RASSF1: variants seen among roughly 807,000 people sequenced by gnomAD.
RASSF1 encodes ras association domain-containing protein 1.
Under a neutral mutation model 34.3 loss-of-function variants are expected in RASSF1, and 33 were observed. The observed-to-expected ratio is 0.96, with a 90% CI of 0.73 to 1.29. The LOEUF is 1.29. Among genes scored for constraint, RASSF1 ranks in the 50% most tolerant of loss-of-function variants. The pLI is 0.00. For missense variants in RASSF1, 445 were observed against 471.8 expected, an observed-to-expected ratio of 0.94 and a Z score of 0.53; for synonymous variants, 191 against 195.0, an observed-to-expected ratio of 0.98 and a Z score of 0.17.
Position 50,330,715 on chromosome 3 carries a change from T to C in RASSF1, c.889A>G (p.Ser297Gly). 4 of 1,613,930 alleles carry C rather than the reference T, an allele frequency of 2.5e-6. No homozygotes were observed. The highest frequency in any genetic ancestry group is 1.3e-5 in the African/African-American group (1 of 75,028). Residue 297 changes from serine (S) to glycine (G), a missense_variant, in exon 6 of 6, where the codon AGC becomes GGC. By Grantham distance (56) the Ser-to-Gly change is moderately conservative. Transcript: ENST00000359365. The surrounding 1 kb of genome is among the most constrained non-coding windows in gnomAD (Gnocchi z 4.5). Reference sequence around the variant, plus strand: ...AGGAAGTTATGTAGTTCAGGCATGCTGAAGGCGTCCCACTGCAAGGGGCAA... The same window carrying C: ...AGGAAGTTATGTAGTTCAGGCATGCCGAAGGCGTCCCACTGCAAGGGGCAA... ...DSGEVNWDAF[S>G]MPELHNFLRI...
At position 50,338,144 on chromosome 3, in the gene RASSF1, TCA is replaced by T. The variant is rs1265890786; in HGVS notation, c.251-135_251-134del. ...GCCCGACCTATCTCAGTGGGTTACC[TCA>T]CACTGCTACGCGGACTCTAATGTTG... is the stretch of plus-strand genomic sequence containing the variant. On this transcript the variant is annotated intron_variant, in intron 1 of 5. Transcript: ENST00000359365. 223 of 1,462,832 alleles carry T rather than the reference TCA, an allele frequency of 1.5e-4. 1 individual carries two copies. In the South Asian group the frequency reaches 3.0e-3, roughly 20 times the overall value. The allele number at this position is 1,462,832 out of a possible 1,614,324, so 90.6% of individuals were successfully genotyped here.
In RASSF1 at chr3:50,330,820, C is replaced by A; in HGVS notation, c.877-93G>T. 2.9e-6 allele frequency: 4 copies of A among 1,369,124 alleles called. No homozygotes were observed. The allele number at this position is 1,369,124 out of a possible 1,614,324, so 84.8% of individuals were successfully genotyped here. On this transcript the variant is annotated intron_variant, in intron 5 of 5. Coordinates refer to ENST00000359365, the MANE Select transcript of RASSF1 (RefSeq NM_007182.5). The surrounding 1 kb of genome is among the most constrained non-coding windows in gnomAD (Gnocchi z 4.5). The stretch of plus-strand genomic sequence containing the variant: ...AGAAGACTAGCACCTCATGTTCACA[C>A]AAGCTAGGACTGGGCTTTCTGATGT...
intron 2 of RASSF1, among the ~76,000 whole-genome samples, chr3:50,334,844 TG>T (rs1444497245): frequency 1.3e-5 from 2 of 152,188 alleles, no homozygotes; most frequent in Non-Finnish European, 2.9e-5. Flanking sequence ...AGCTGCCTGC[TG>T]GAAGAGGATT....
chr3:50,334,934 A>G (rs1237477988), intron 2 of RASSF1, among the ~76,000 whole-genome samples: 2 of 151,042 alleles, frequency 1.3e-5, no homozygotes, highest in African/African-American at 4.9e-5. Flanking sequence ...CCTCCACTCT[A>G]CCACTGTCCA....
In RASSF1 at chr3:50,331,768, G is replaced by A. The variant is rs771857382; in HGVS notation, c.551C>T (p.Ser184Phe). ...VSVPSSKKPP[S>F]LQDARRGPGR... ...TGGGCCCCGCCGGGCATCCTGCAAG[G>A]AGGGTGGCTTCTTGCTGGAGGGCAC... Residue 184 changes from serine (S) to phenylalanine (F), a missense_variant, in exon 4 of 6, where the codon TCC becomes TTC. Coordinates refer to ENST00000359365, the MANE Select transcript of RASSF1 (RefSeq NM_007182.5). The A allele has an allele frequency of 6.2e-6, 10 of 1,608,472 alleles. No homozygotes were observed. The South Asian group carries it at 7.7e-5, about 12-fold the overall frequency.
rs587666624 is a variant in RASSF1 at position 50,335,133 on chromosome 3, C to T, written c.357+2772G>A. ...CTGGCTAATTTTTTGTATTTTTAGT[C>T]GAGACGGGGTTTCACCATTTTGGCC... On this transcript the variant is annotated intron_variant, in intron 2 of 5. Coordinates refer to ENST00000359365, the MANE Select transcript of RASSF1 (RefSeq NM_007182.5). Among the ~76,000 whole-genome samples the T allele has an allele frequency of 5.3e-5, 8 of 151,752 alleles. No individual in the cohort carries two copies. The East Asian group carries it at 1.4e-3, about 26-fold the overall frequency.
At chr3:50,337,038 G>A in intron 2 of RASSF1, 1 of 1,229,740 alleles carries the variant, frequency 8.1e-7, no homozygotes, top group East Asian at 2.8e-5. Context: ...GCAGGTCCCC[G>A]GCCAGGACCC....
At chr3:50,337,749 C>T in intron 2 of RASSF1, 156 bp downstream of exon 2, 2 of 909,192 alleles carry the variant, frequency 2.2e-6, no homozygotes, top group South Asian at 1.7e-5. Context: ...TCCAGGCTCC[C>T]CTCCCAGCCC....
rs1309330821 is a variant in RASSF1, at chr3:50,330,428, A to G, written c.*153T>C. On this transcript the variant is annotated 3_prime_UTR_variant, in exon 6 of 6. Transcript: ENST00000359365. This position sits in a 1 kb window ranked among gnomAD's most constrained non-coding sequence, Gnocchi z 4.5. ...GCTACACCCACAGGTGGACACAGGG[A>G]GCAAGCTACTTCGCTGTTCTCTGGG... 1.9e-6 allele frequency: 2 copies of G among 1,071,950 alleles called. No homozygotes were observed. Among genetic ancestry groups the G allele is most frequent in the Non-Finnish European group, 1.3e-6 (1 of 749,998 alleles). 66.4% of individuals were successfully genotyped at this position (1,071,950 alleles called of 1,614,324 possible).
intron 5 of RASSF1, 124 bp downstream of exon 5, chr3:50,331,210 T>C (rs1702921346): frequency 5.2e-6 from 4 of 766,004 alleles, no homozygotes; most frequent in African/African-American, 3.6e-5. Flanking sequence ...ACAATGCCTA[T>C]ACACTCCTGG....
intron 1 of RASSF1, among the ~76,000 whole-genome samples, chr3:50,339,514 C>A (rs886402748): frequency 3.3e-5 from 5 of 151,720 alleles, no homozygotes; most frequent in Non-Finnish European, 5.9e-5. Context: ...TACAGGCACC[C>A]GCCACTACGC....
chr3:50,333,140 G>C (rs909632819), intron 2 of RASSF1, among the ~76,000 whole-genome samples: 1 of 152,056 alleles, frequency 6.6e-6, no homozygotes, highest in African/African-American at 2.4e-5. Context: ...TGCACATTCT[G>C]ATCACAGCAC....
intron 2 of RASSF1, among the ~76,000 whole-genome samples, chr3:50,333,480 A>ATTT (rs112501291): frequency 3.4e-5 from 5 of 145,050 alleles, no homozygotes; most frequent in African/African-American, 1.3e-4. Flanking sequence ...TGGCCCAAAG[A>ATTT]TTTTTTTTTT....
At chr3:50,339,273 C>T (rs1703273722) in intron 1 of RASSF1, among the ~76,000 whole-genome samples, 1 of 152,016 alleles carries the variant, frequency 6.6e-6, no homozygotes, top group Non-Finnish European at 1.5e-5. Context: ...GTCTCTACCT[C>T]TGATAAACAT....
At chr3:50,338,264 T>G in intron 1 of RASSF1, 2 of 1,222,104 alleles carry the variant, frequency 1.6e-6, no homozygotes, top group Non-Finnish European at 2.1e-6. Flanking sequence ...GAACTTCCCC[T>G]TTCCTCATTG....
chr3:50,339,043 A>C (rs193141147), intron 1 of RASSF1, among the ~76,000 whole-genome samples: 1 of 152,208 alleles, frequency 6.6e-6, no homozygotes, highest in Non-Finnish European at 1.5e-5. Context: ...CCCCAGATCC[A>C]CGGCTGAAAC....
chr3:50,337,415 C>A (rs1703190924), intron 2 of RASSF1: 6 of 1,581,032 alleles, frequency 3.8e-6, no homozygotes, highest in Admixed American at 3.5e-5. Context: ...TGTGCGCGTG[C>A]GCCCGGGCCA....
At position 50,330,688 on chromosome 3, in the gene RASSF1, G is replaced by T; in HGVS notation, c.916C>A (p.Arg306Ser). The change falls in exon 6 of 6, where the codon CGT becomes AGT. Residue 306 changes from arginine (R) to serine (S), a missense_variant. Coordinates refer to ENST00000359365, the MANE Select transcript of RASSF1 (RefSeq NM_007182.5). This position sits in a 1 kb window ranked among gnomAD's most constrained non-coding sequence, Gnocchi z 4.5. Reference sequence around the variant, plus strand: ...TCCTCCTCCTCCCGCTGCAGGATACGTAGGAAGTTATGTAGTTCAGGCATG... The same window carrying T: ...TCCTCCTCCTCCCGCTGCAGGATACTTAGGAAGTTATGTAGTTCAGGCATG... Reference protein sequence around the residue: ...FSMPELHNFLRILQREEEEHL... With the variant: ...FSMPELHNFLSILQREEEEHL... 1.2e-6 allele frequency: 2 copies of T among 1,614,080 alleles called. No homozygotes were observed. The highest frequency in any genetic ancestry group is 1.7e-6 in the Non-Finnish European group (2 of 1,179,976).
chr3:50,336,986 C>A, intron 2 of RASSF1: 1 of 827,246 alleles, frequency 1.2e-6, no homozygotes, highest in Non-Finnish European at 1.8e-6. Context: ...CGGCACCCAG[C>A]ATCTAGGCGG....
Sources: gnomAD v4.1 joint callset for allele counts (sites outside exome capture counted in the v4.1 genomes callset) on GRCh38, gnomAD v4.1.1 for gene constraint, Gnocchi (gnomAD v3.1) non-coding constraint, MANE v1.5 for transcripts, NCBI Gene and HGNC (gene_info 2026-07-23, HGNC 2026-07-21) for gene names.